The following GDAP2 variants were observed in gnomAD, a reference collection of about 807,000 sequenced individuals.
GDAP2 encodes ganglioside-induced differentiation-associated protein 2.
In GDAP2, 51 loss-of-function variants were observed where a neutral mutation model predicts 67.0. That is an observed-to-expected ratio of 0.76 (90% CI 0.61 to 0.96). GDAP2 has a LOEUF of 0.96. Ranked by LOEUF, GDAP2 falls within the 40% of genes least tolerant of loss-of-function variation. GDAP2 has a pLI of 0.00. For synonymous variants in GDAP2, 203 were observed against 207.3 expected, an observed-to-expected ratio of 0.98 and a Z score of 0.18; for missense variants, 547 against 588.3, an observed-to-expected ratio of 0.93 and a Z score of 0.73.
At chr1:117,906,993 G>A (rs549468162) in intron 5 of GDAP2, among the ~76,000 whole-genome samples, 24 of 152,150 alleles carry the variant, frequency 1.6e-4, no homozygotes, top group South Asian at 8.3e-4. Flanking sequence ...GGCCTCTCTC[G>A]GGCCAGAATG....
chr1:117,926,605 C>T (rs1396748951), intron 1 of GDAP2, among the ~76,000 whole-genome samples: 1 of 152,194 alleles, frequency 6.6e-6, no homozygotes, highest in Non-Finnish European at 1.5e-5. Flanking sequence ...CCCCTAAACA[C>T]ATATACACCT....
intron 12 of GDAP2, among the ~76,000 whole-genome samples, chr1:117,881,463 T>C (rs1397840950): frequency 6.6e-6 from 1 of 152,030 alleles, no homozygotes; most frequent in Non-Finnish European, 1.5e-5. Context: ...AGCTGCAGGA[T>C]TGGTCAGGGA....
chr1:117,924,920 T>C (rs1650390585), intron 1 of GDAP2, among the ~76,000 whole-genome samples: 1 of 152,240 alleles, frequency 6.6e-6, no homozygotes, highest in Middle Eastern at 3.4e-3. Flanking sequence ...AATTGCCTCA[T>C]GCTCAATGGA....
chr1:117,869,750 CA>C lies in GDAP2; in HGVS notation c.*818del, dbSNP rs1283501201. On this transcript the variant is annotated 3_prime_UTR_variant, in exon 14 of 14. Transcript: ENST00000369443. ...GACCTGATAGCTAAACAAAATCATTCATGACTCTGGAAGACAACACACTCTC... is the reference window on the plus strand; with the variant it reads ...GACCTGATAGCTAAACAAAATCATTCTGACTCTGGAAGACAACACACTCTC... 3 of 152,622 alleles carry C rather than the reference CA, an allele frequency of 2.0e-5. No homozygotes were observed. The highest frequency in any genetic ancestry group is 7.2e-5 in the African/African-American group (3 of 41,450). 9.5% of individuals were successfully genotyped at this position (152,622 alleles called of 1,614,324 possible). A position where few individuals can be genotyped will look rare whatever the true frequency, so the allele number is the denominator to read the frequency against.
At chr1:117,897,548 AT>A (rs975895532) in intron 7 of GDAP2, among the ~76,000 whole-genome samples, 1 of 152,234 alleles carries the variant, frequency 6.6e-6, no homozygotes, top group African/African-American at 2.4e-5. Context: ...ATTTTGGTCC[AT>A]AAGAGTTATA....
intron 8 of GDAP2, among the ~76,000 whole-genome samples, chr1:117,888,506 C>A (rs1161407487): frequency 2.0e-5 from 3 of 152,124 alleles, no homozygotes; most frequent in Non-Finnish European, 1.5e-5. Flanking sequence ...GACTTCCCAG[C>A]CTATTAAATA....
At chr1:117,916,584 G>C (rs1650052760) in intron 3 of GDAP2, among the ~76,000 whole-genome samples, 1 of 152,206 alleles carries the variant, frequency 6.6e-6, no homozygotes, top group Non-Finnish European at 1.5e-5. Context: ...GGATATGGCT[G>C]TAGTCTAGGC....
Position 117,886,597 on chromosome 1 carries a change from T to C in GDAP2, c.1087A>G (p.Thr363Ala), listed in dbSNP as rs560721816. 5.7e-6 allele frequency: 9 copies of C among 1,566,958 alleles called. No individual in the cohort carries two copies. The East Asian group carries it at 1.6e-4, about 27-fold the overall frequency. Residue 363 changes from threonine (T) to alanine (A), a missense_variant, in exon 10 of 14, where the codon ACA becomes GCA. Thr to Ala is a moderately conservative substitution (Grantham distance 58). Transcript: ENST00000369443. ...MVVVGRNIPV[T>A]LIDMDKALLY... ...CTTACCTTGTCCATATCTATTAATG[T>C]TACAGGAATGTTTCTTCCAACTACC...
At chr1:117,886,020 G>T (rs1473054717) in intron 10 of GDAP2, among the ~76,000 whole-genome samples, 1 of 152,040 alleles carries the variant, frequency 6.6e-6, no homozygotes, top group African/African-American at 2.4e-5. Context: ...CATCTTTGAT[G>T]ACAATAATTA....
chr1:117,904,086 A>T (rs1473501486), intron 6 of GDAP2, among the ~76,000 whole-genome samples: 2 of 151,620 alleles, frequency 1.3e-5, no homozygotes, highest in East Asian at 3.9e-4. Flanking sequence ...TCCTGGGTTC[A>T]AGTGATTCTC....
At chr1:117,887,323 A>T (rs1306839801) in intron 9 of GDAP2, among the ~76,000 whole-genome samples, 2 of 152,182 alleles carry the variant, frequency 1.3e-5, no homozygotes, top group African/African-American at 2.4e-5. Context: ...AAATTACTAA[A>T]AAGTACCGTC....
chr1:117,907,177 T>C (rs1260085802), intron 5 of GDAP2, among the ~76,000 whole-genome samples: 1 of 152,216 alleles, frequency 6.6e-6, no homozygotes, highest in East Asian at 1.9e-4. Flanking sequence ...TGGCCTTTAC[T>C]TCAGTTCTTA....
chr1:117,905,959 T>C (rs1649642887), intron 6 of GDAP2, among the ~76,000 whole-genome samples: 1 of 152,130 alleles, frequency 6.6e-6, no homozygotes, highest in Non-Finnish European at 1.5e-5. Flanking sequence ...TGCTCAATAA[T>C]ACAAAACTTG....
intron 5 of GDAP2, among the ~76,000 whole-genome samples, chr1:117,910,936 T>C (rs1649833742): frequency 2.0e-5 from 3 of 152,216 alleles, no homozygotes; most frequent in Admixed American, 2.0e-4. Flanking sequence ...TATGCACATT[T>C]TTCTTGACAA....
intron 6 of GDAP2, among the ~76,000 whole-genome samples, chr1:117,905,177 C>A (rs1157953865): frequency 6.6e-6 from 1 of 152,134 alleles, no homozygotes; most frequent in Non-Finnish European, 1.5e-5. Context: ...TTTCCCTTTC[C>A]AAATCATCCT....
chr1:117,924,175 T>C (rs1650360979), intron 1 of GDAP2, among the ~76,000 whole-genome samples: 1 of 152,216 alleles, frequency 6.6e-6, no homozygotes, highest in African/African-American at 2.4e-5. Flanking sequence ...TGCAGGTTAG[T>C]TATGTAGGTA....
At chr1:117,911,083 G>A (rs1275312793) in intron 5 of GDAP2, among the ~76,000 whole-genome samples, 2 of 152,154 alleles carry the variant, frequency 1.3e-5, no homozygotes, top group East Asian at 3.8e-4. Flanking sequence ...CATCATATTT[G>A]CTAAAAGCAT....
chr1:117,896,193 T>C (rs927327436), intron 8 of GDAP2, among the ~76,000 whole-genome samples: 3 of 152,224 alleles, frequency 2.0e-5, no homozygotes, highest in Non-Finnish European at 4.4e-5. Context: ...TAACCCTCCA[T>C]CAACCCTATA....
intron 13 of GDAP2, among the ~76,000 whole-genome samples, chr1:117,876,270 C>T (rs1475674530): frequency 2.0e-5 from 3 of 152,014 alleles, no homozygotes; most frequent in Non-Finnish European, 2.9e-5. Flanking sequence ...CCTGGCACCT[C>T]CCTTCCCTCT....
Sources: allele counts gnomAD v4.1 joint callset (sites outside exome capture counted in the v4.1 genomes callset), GRCh38; gene constraint gnomAD v4.1.1; transcripts MANE v1.5; gene names NCBI Gene and HGNC (gene_info 2026-07-23, HGNC 2026-07-21).